The following DOK6 variants were observed in gnomAD, a reference collection of about 807,000 sequenced individuals.
DOK6 encodes docking protein 6.
DOK6 carries 22 observed loss-of-function variants against 44.0 expected under a neutral mutation model. That is an observed-to-expected ratio of 0.50 (90% confidence interval 0.36 to 0.71). The LOEUF is 0.71. DOK6 is among the 30% of genes least tolerant of loss of function. The pLI is 0.00. For synonymous variants in DOK6, 166 were observed against 145.5 expected (o/e 1.14, Z -1.01); for missense variants, 340 against 416.4 (o/e 0.82, Z 1.60).
chr18:69,493,619 AT>A (rs1209084277), intron 1 of DOK6, among the ~76,000 whole-genome samples: 4 of 152,172 alleles, frequency 2.6e-5, no homozygotes, highest in Non-Finnish European at 5.9e-5. Flanking sequence ...AATAATTATC[AT>A]TTTTTTCAAA....
At chr18:69,403,292 C>T (rs1056551632) in intron 1 of DOK6, among the ~76,000 whole-genome samples, 1 of 152,130 alleles carries the variant, frequency 6.6e-6, no homozygotes, top group African/African-American at 2.4e-5. Flanking sequence ...TTTCACACAA[C>T]AAAAACTGAG....
At chr18:69,494,369 G>A (rs1980821117) in intron 1 of DOK6, among the ~76,000 whole-genome samples, 1 of 152,082 alleles carries the variant, frequency 6.6e-6, no homozygotes, top group Non-Finnish European at 1.5e-5. Flanking sequence ...CCAGCTATTT[G>A]GCAGGCTGAG....
At chr18:69,446,310 G>A (rs1381621839) in intron 1 of DOK6, among the ~76,000 whole-genome samples, 1 of 149,504 alleles carries the variant, frequency 6.7e-6, no homozygotes, top group Non-Finnish European at 1.5e-5. Context: ...CGCGGTGTTT[G>A]GTTTTTTGTC....
intron 6 of DOK6, among the ~76,000 whole-genome samples, chr18:69,752,148 AAC>A (rs1195522727): frequency 6.6e-6 from 1 of 151,958 alleles, no homozygotes; most frequent in African/African-American, 2.4e-5. Flanking sequence ...CATAAATGAA[AAC>A]ACAAGTCTCT....
intron 1 of DOK6, among the ~76,000 whole-genome samples, chr18:69,540,240 GATGCCACCTTTATC>G (rs1982234230): frequency 6.6e-6 from 1 of 152,134 alleles, no homozygotes; most frequent in Non-Finnish European, 1.5e-5. Context: ...ATTGATTAGA[GATGCCACCTTTATC>G]ATCATATCCT....
chr18:69,798,063 C>T (rs1010433006), intron 7 of DOK6, among the ~76,000 whole-genome samples: 7 of 152,096 alleles, frequency 4.6e-5, no homozygotes, highest in Admixed American at 1.3e-4. Context: ...AAGTGTGCAA[C>T]AGCAAATCTA....
In DOK6 at chr18:69,823,503, T is replaced by A. The variant is rs564807963; in HGVS notation, c.857-17741T>A. On this transcript the variant is annotated intron_variant, in intron 7 of 7. Coordinates refer to ENST00000382713, the MANE Select transcript of DOK6 (RefSeq NM_152721.6). The stretch of plus-strand genomic sequence containing the variant: ...CAGAGAGCCTGCTTTCTCTGGAAAC[T>A]ATGTGTAGTTTCTAAGAGGGCCATT... Among the ~76,000 whole-genome samples, 8 of 152,194 alleles carry A rather than the reference T, an allele frequency of 5.3e-5. No homozygotes were observed. In the East Asian group the frequency reaches 1.4e-3, roughly 26 times the overall value.
At chr18:69,527,195 C>T (rs1293723649) in intron 1 of DOK6, among the ~76,000 whole-genome samples, 1 of 152,198 alleles carries the variant, frequency 6.6e-6, no homozygotes, top group Non-Finnish European at 1.5e-5. Context: ...TAATTCAGCA[C>T]CCAACCCTCC....
intron 1 of DOK6, among the ~76,000 whole-genome samples, chr18:69,406,962 T>C (rs1916217592): frequency 6.6e-6 from 1 of 152,144 alleles, no homozygotes; most frequent in Non-Finnish European, 1.5e-5. Flanking sequence ...GCGCCTGTAA[T>C]TCCAGCTACT....
chr18:69,562,427 T>A (rs1470966887), intron 1 of DOK6, among the ~76,000 whole-genome samples: 1 of 152,210 alleles, frequency 6.6e-6, no homozygotes, highest in Non-Finnish European at 1.5e-5. Context: ...GCTGTTTTGG[T>A]TACTGTAGCC....
rs990834442 is a variant in DOK6 at position 69,561,046 on chromosome 18, T to C, written c.67-3441T>C. Among the ~76,000 whole-genome samples the C allele has an allele frequency of 3.9e-5, 6 of 152,208 alleles. No homozygotes were observed. The East Asian group carries it at 7.7e-4, about 20-fold the overall frequency. ...TCACTAGGAAAAAAGTGTCCCTTCATATGGCTTTGTCATGTGCAGAAAATT... is the reference window on the plus strand; with the variant it reads ...TCACTAGGAAAAAAGTGTCCCTTCACATGGCTTTGTCATGTGCAGAAAATT... On this transcript the variant is annotated intron_variant, in intron 1 of 7. Coordinates refer to ENST00000382713, the MANE Select transcript of DOK6 (RefSeq NM_152721.6).
At chr18:69,557,854 G>A (rs1982727399) in intron 1 of DOK6, among the ~76,000 whole-genome samples, 1 of 152,082 alleles carries the variant, frequency 6.6e-6, no homozygotes, top group African/African-American at 2.4e-5. Flanking sequence ...GTAAGCAATA[G>A]GTTCTGTTGT....
chr18:69,565,773 G>A (rs909251580), intron 2 of DOK6, among the ~76,000 whole-genome samples: 7 of 152,004 alleles, frequency 4.6e-5, no homozygotes, highest in Non-Finnish European at 5.9e-5. Flanking sequence ...ATGAGTAGAC[G>A]AATTTTAAAA....
At chr18:69,657,993 C>A (rs1170015725) in intron 3 of DOK6, among the ~76,000 whole-genome samples, 2 of 152,052 alleles carry the variant, frequency 1.3e-5, no homozygotes, top group Admixed American at 1.3e-4. Context: ...CCTCTATTGC[C>A]CAGGCTGGAA....
chr18:69,785,393 C>G (rs1302287148), intron 7 of DOK6, among the ~76,000 whole-genome samples: 1 of 152,132 alleles, frequency 6.6e-6, no homozygotes, highest in Non-Finnish European at 1.5e-5. Context: ...TAATTATGTC[C>G]TCAAACTATA....
chr18:69,718,178 A>G (rs1599283285), intron 5 of DOK6, among the ~76,000 whole-genome samples: 1 of 152,200 alleles, frequency 6.6e-6, no homozygotes, highest in African/African-American at 2.4e-5. Context: ...CTATTCTTGC[A>G]TTTGAAATTC....
intron 1 of DOK6, among the ~76,000 whole-genome samples, chr18:69,463,636 C>T (rs1290661571): frequency 3.0e-5 from 2 of 67,200 alleles, no homozygotes; most frequent in East Asian, 2.8e-3. Context: ...TTTCATTGAC[C>T]TTTGTTGTGT....
intron 1 of DOK6, among the ~76,000 whole-genome samples, chr18:69,422,281 C>G (rs1370001309): frequency 6.6e-6 from 1 of 152,206 alleles, no homozygotes; most frequent in East Asian, 1.9e-4. Flanking sequence ...AAGTCCTGAG[C>G]CCTACAATTT....
At chr18:69,823,862 A>G (rs1239680367) in intron 7 of DOK6, among the ~76,000 whole-genome samples, 1 of 152,088 alleles carries the variant, frequency 6.6e-6, no homozygotes, top group Non-Finnish European at 1.5e-5. Flanking sequence ...CAAAAAAAAT[A>G]GCATTTACTC....
Sources: gnomAD v4.1 joint callset for allele counts (sites outside exome capture counted in the v4.1 genomes callset) on GRCh38, gnomAD v4.1.1 for gene constraint, MANE v1.5 for transcripts, NCBI Gene and HGNC (gene_info 2026-07-23, HGNC 2026-07-21) for gene names.